SLC25A21: variants seen among roughly 807,000 people sequenced by gnomAD.
SLC25A21 encodes solute carrier family 25 member 21.
A neutral mutation model predicts 43.8 loss-of-function variants in SLC25A21; 47 were observed. That is an observed-to-expected ratio of 1.07 (90% CI 0.85 to 1.37). The LOEUF (loss-of-function observed/expected upper bound fraction) is 1.37. Ranked by LOEUF, SLC25A21 falls within the 40% of genes most tolerant of loss-of-function variation. The pLI is 0.00. For synonymous variants in SLC25A21, 131 were observed against 121.3 expected (o/e 1.08, Z -0.52); for missense variants, 352 against 350.2 (o/e 1.00, Z -0.04).
chr14:36,987,440 GA>G (rs2138707872), intron 1 of SLC25A21, among the ~76,000 whole-genome samples: 1 of 152,026 alleles, frequency 6.6e-6, no homozygotes, highest in East Asian at 1.9e-4. Flanking sequence ...AAAGTATAAA[GA>G]AAATAAACTT....
intron 1 of SLC25A21, among the ~76,000 whole-genome samples, chr14:36,919,375 T>A (rs1483443907): frequency 6.6e-6 from 1 of 152,046 alleles, no homozygotes; most frequent in African/African-American, 2.4e-5. Context: ...TTAGGAGCAA[T>A]GAGTGAATTC....
At chr14:36,852,292 C>T (rs1345025536) in intron 2 of SLC25A21, among the ~76,000 whole-genome samples, 1 of 152,184 alleles carries the variant, frequency 6.6e-6, no homozygotes, top group Non-Finnish European at 1.5e-5. Context: ...GGTAAGTTTA[C>T]TTTAGCCTCT....
chr14:36,848,072 A>G (rs1310665403), intron 2 of SLC25A21, among the ~76,000 whole-genome samples: 1 of 152,112 alleles, frequency 6.6e-6, no homozygotes, highest in African/African-American at 2.4e-5. Context: ...AGGGGGAGGG[A>G]AAAGTCAGGG....
At chr14:37,015,177 G>A (rs1401176275) in intron 1 of SLC25A21, among the ~76,000 whole-genome samples, 1 of 146,810 alleles carries the variant, frequency 6.8e-6, no homozygotes, top group Non-Finnish European at 1.5e-5. Flanking sequence ...ATCTCCTAAC[G>A]CTATCCCTCC....
chr14:37,027,305 GTCTCTGATA>G (rs1174708208), intron 1 of SLC25A21, among the ~76,000 whole-genome samples: 1 of 152,048 alleles, frequency 6.6e-6, no homozygotes, highest in Non-Finnish European at 1.5e-5. Context: ...TCCTATCTGT[GTCTCTGATA>G]TTCATTTCCC....
intron 1 of SLC25A21, among the ~76,000 whole-genome samples, chr14:36,923,684 AG>A (rs1892043223): frequency 1.3e-5 from 2 of 152,320 alleles, no homozygotes; most frequent in Admixed American, 6.5e-5. Flanking sequence ...AAATACAGTC[AG>A]CCTTCCATAT....
intron 1 of SLC25A21, among the ~76,000 whole-genome samples, chr14:36,900,816 G>T (rs1223125284): frequency 6.6e-6 from 1 of 152,154 alleles, no homozygotes; most frequent in Non-Finnish European, 1.5e-5. Flanking sequence ...CTACTTGAAA[G>T]ATTTACATAA....
chr14:37,021,566 C>A (rs1022407325), intron 1 of SLC25A21, among the ~76,000 whole-genome samples: 2 of 151,900 alleles, frequency 1.3e-5, no homozygotes, highest in South Asian at 2.1e-4. Context: ...AGCAAAGAAT[C>A]CCATTACAGA....
rs565624356 is a variant in SLC25A21 at position 37,171,370 on chromosome 14, T to A, written c.70+911A>T. ...TGTTTGAAAATACAGAAACTTTTAC[T>A]AGTCGAAGTTAAACATTAAACATTT... On this transcript the variant is annotated intron_variant, in intron 1 of 9. Coordinates refer to ENST00000331299, the MANE Select transcript of SLC25A21 (RefSeq NM_030631.4). Among the ~76,000 whole-genome samples, 3 of 152,268 alleles carry A rather than the reference T, an allele frequency of 2.0e-5. No homozygotes were observed. In the South Asian group the frequency reaches 6.2e-4, roughly 32 times the overall value.
Position 36,680,054 on chromosome 14 carries a change from A to C in SLC25A21, c.*604T>G. 1.2e-6 allele frequency: 1 copy of C among 859,188 alleles called. No individual in the cohort carries two copies. Among genetic ancestry groups the C allele is most frequent in the Non-Finnish European group, 1.4e-6 (1 of 716,240 alleles). 53.2% of individuals were successfully genotyped at this position (859,188 alleles called of 1,614,324 possible). A position where few individuals can be genotyped will look rare whatever the true frequency, so the allele number is the denominator to read the frequency against. ...AAGTAGATGTAGGAAAATAGAGCTG[A>C]TATGTGCATAGTTACTAAAAAAAAC... On this transcript the variant is annotated 3_prime_UTR_variant, in exon 10 of 10. Transcript: ENST00000331299.
At chr14:36,735,534 C>A (rs114068672) in intron 3 of SLC25A21, among the ~76,000 whole-genome samples, 7 of 151,568 alleles carry the variant, frequency 4.6e-5, no homozygotes, top group African/African-American at 7.3e-5. Context: ...GATTCACCCC[C>A]CAAGCTTCAC....
chr14:36,893,737 GA>G (rs1247586033), intron 1 of SLC25A21, among the ~76,000 whole-genome samples: 1 of 152,118 alleles, frequency 6.6e-6, no homozygotes, highest in Non-Finnish European at 1.5e-5. Context: ...GTAAGGAAGG[GA>G]TCCAGTTTCA....
chr14:36,957,876 TG>T (rs1959382827), intron 1 of SLC25A21, among the ~76,000 whole-genome samples: 1 of 152,254 alleles, frequency 6.6e-6, no homozygotes, highest in African/African-American at 2.4e-5. Flanking sequence ...TATTCATTTA[TG>T]TATGGTTTTG....
intron 2 of SLC25A21, among the ~76,000 whole-genome samples, chr14:36,851,779 G>A (rs980297650): frequency 1.3e-5 from 2 of 152,118 alleles, no homozygotes; most frequent in Non-Finnish European, 2.9e-5. Context: ...GAGTAGTTAA[G>A]CATTTTCACT....
intron 1 of SLC25A21, among the ~76,000 whole-genome samples, chr14:37,064,613 C>G: frequency 6.6e-6 from 1 of 152,130 alleles, no homozygotes; most frequent in Non-Finnish European, 1.5e-5. Context: ...TTTGGATACA[C>G]AAACCAGACT....
At chr14:37,048,692 ACT>A (rs1441887154) in intron 1 of SLC25A21, among the ~76,000 whole-genome samples, 1 of 151,962 alleles carries the variant, frequency 6.6e-6, no homozygotes, top group Admixed American at 6.5e-5. Context: ...ACATACCTAA[ACT>A]CTCTGAGTCA....
chr14:37,125,464 C>T (rs1038164940), intron 1 of SLC25A21, among the ~76,000 whole-genome samples: 3 of 152,092 alleles, frequency 2.0e-5, no homozygotes, highest in African/African-American at 7.2e-5. Flanking sequence ...AGATGATCTC[C>T]AAGTCCCTTC....
intron 1 of SLC25A21, among the ~76,000 whole-genome samples, chr14:37,064,471 AAT>A (rs1035844882): frequency 6.6e-6 from 1 of 150,966 alleles, no homozygotes; most frequent in African/African-American, 2.5e-5. Context: ...GGAGAACCCT[AAT>A]ACAGTCACCA....
intron 4 of SLC25A21, among the ~76,000 whole-genome samples, chr14:36,733,082 C>T (rs111473606): frequency 6.6e-6 from 1 of 152,210 alleles, no homozygotes; most frequent in South Asian, 2.1e-4. Flanking sequence ...AAGTCTTAAT[C>T]CTCTTAAAGT....
Sources: gnomAD v4.1 joint callset for allele counts (sites outside exome capture counted in the v4.1 genomes callset) on GRCh38, gnomAD v4.1.1 for gene constraint, MANE v1.5 for transcripts, NCBI Gene and HGNC (gene_info 2026-07-23, HGNC 2026-07-21) for gene names.